Variants in RCC2 observed in about 807,000 individuals in gnomAD.
The protein encoded by RCC2 is protein RCC2.
In RCC2, 19 loss-of-function variants were observed where a neutral mutation model predicts 64.1. That is an observed-to-expected ratio of 0.30 (90% confidence interval 0.21 to 0.44). The LOEUF is 0.44. RCC2 is among the 20% of genes least tolerant of loss of function. RCC2 has a pLI of 1.00. For missense variants in RCC2, 508 were observed against 710.4 expected (o/e 0.72, Z 3.24); for synonymous variants, 325 against 279.6 (o/e 1.16, Z -1.62).
intron 3 of RCC2, among the ~76,000 whole-genome samples, 170 bp from the exon 4 acceptor site, chr1:17,425,854 G>A (rs1239846363): frequency 2.0e-5 from 3 of 152,176 alleles, no homozygotes; most frequent in African/African-American, 4.8e-5. Context: ...TTTTCACTTC[G>A]AATCTCTGCG....
chr1:17,423,736 G>A (rs1229894921), intron 4 of RCC2, among the ~76,000 whole-genome samples: 1 of 152,248 alleles, frequency 6.6e-6, no homozygotes, highest in Non-Finnish European at 1.5e-5. Context: ...AACCTGACGT[G>A]GGGAAACTGA....
At chr1:17,427,037 A>C (rs2075624582) in intron 3 of RCC2, among the ~76,000 whole-genome samples, 1 of 152,194 alleles carries the variant, frequency 6.6e-6, no homozygotes, top group South Asian at 2.1e-4. Flanking sequence ...CTGGGATTAC[A>C]GGCGTGAGCC....
intron 8 of RCC2, among the ~76,000 whole-genome samples, chr1:17,414,565 ACAAC>A (rs2075461758): frequency 3.4e-5 from 5 of 148,124 alleles, no homozygotes; most frequent in African/African-American, 7.5e-5. Flanking sequence ...AAAAAAAAAC[ACAAC>A]AAAAAAAAAA....
chr1:17,412,223 G>A lies in RCC2; in HGVS notation c.1314-29C>T, dbSNP rs569779443. ...CAAACAGGCAGGCTGTCACTGCAGGGCCAGCAGCCCCAGACCTGCACCCAC... is the reference window on the plus strand; with the variant it reads ...CAAACAGGCAGGCTGTCACTGCAGGACCAGCAGCCCCAGACCTGCACCCAC... On this transcript the variant is annotated intron_variant, in intron 10 of 12. Transcript: ENST00000375436. The A allele has an allele frequency of 4.3e-6, 7 of 1,610,402 alleles. No individual in the cohort carries two copies. In the Admixed American group the frequency reaches 1.0e-4, roughly 23 times the overall value.
chr1:17,438,308 C>G lies in RCC2; in HGVS notation c.207G>C (p.Ala69=). ...LDGAPGGGKR[A]ARPATAGKAG... ...CCTTGCCTGCTGTCGCCGGCCGCGCCGCGCGCTTGCCCCCGCCGGGGGCCC... is the reference window on the plus strand; with the variant it reads ...CCTTGCCTGCTGTCGCCGGCCGCGCGGCGCGCTTGCCCCCGCCGGGGGCCC... The change falls in exon 2 of 13, where the codon GCG becomes GCC. Residue 69 remains alanine (A), a synonymous_variant. Transcript: ENST00000375436. The G allele has an allele frequency of 1.6e-6, 2 of 1,243,776 alleles. No individual in the cohort carries two copies. The highest frequency in any genetic ancestry group is 4.7e-5 in the South Asian group (2 of 42,918). 77.0% of individuals were successfully genotyped at this position (1,243,776 alleles called of 1,614,324 possible).
Position 17,438,402 on chromosome 1 carries a change from C to A in RCC2, c.113G>T (p.Arg38Leu). The A allele has an allele frequency of 7.9e-7, 1 of 1,264,572 alleles. No homozygotes were observed. The highest frequency in any genetic ancestry group is 2.9e-5 in the South Asian group (1 of 34,030). 78.3% of individuals were successfully genotyped at this position (1,264,572 alleles called of 1,614,324 possible). A position where few individuals can be genotyped will look rare whatever the true frequency, so the allele number is the denominator to read the frequency against. ...RGGPAGRKRE[R>L]PERCSSSSGG... Reference sequence around the variant, plus strand: ...GCTGCTGCTACTGCAGCGCTCGGGCCGCTCGCGCTTCCTGCCCGCCGGGCC... The same window carrying A: ...GCTGCTGCTACTGCAGCGCTCGGGCAGCTCGCGCTTCCTGCCCGCCGGGCC... The change falls in exon 2 of 13, where the codon CGG becomes CTG. Residue 38 changes from arginine to leucine, a missense_variant. Physicochemically the swap from Arg to Leu is moderately radical, Grantham distance 102 (BLOSUM62 -2). Transcript: ENST00000375436.
In RCC2 at chr1:17,439,523, ACT is replaced by A. The variant is rs1299085456; in HGVS notation, c.-9+20_-9+21del. The A allele has an allele frequency of 1.4e-5, 2 of 145,592 alleles. No individual in the cohort carries two copies. Among genetic ancestry groups the A allele is most frequent in the Non-Finnish European group, 3.0e-5 (2 of 66,518 alleles). 9.0% of individuals were successfully genotyped at this position (145,592 alleles called of 1,614,324 possible). A position where few individuals can be genotyped will look rare whatever the true frequency, so the allele number is the denominator to read the frequency against. ...CTTTCCCAGACCCCACAAACTGATC[ACT>A]GTCGATTTTCAGACCCTACCTGGTT... On this transcript the variant is annotated intron_variant, in intron 1 of 12. Coordinates refer to ENST00000375436, the MANE Select transcript of RCC2 (RefSeq NM_018715.4).
At chr1:17,424,854 G>A (rs549504135) in intron 4 of RCC2, among the ~76,000 whole-genome samples, 27 of 152,152 alleles carry the variant, frequency 1.8e-4, no homozygotes, top group Non-Finnish European at 3.2e-4. Context: ...AAGAGGACAC[G>A]GGCAGGAATG....
At position 17,422,750 on chromosome 1, in the gene RCC2, T is replaced by C; in HGVS notation, c.610A>G (p.Ile204Val). 6.2e-7 allele frequency: 1 copy of C among 1,613,968 alleles called. No individual in the cohort carries two copies. The highest frequency in any genetic ancestry group is 8.5e-7 in the Non-Finnish European group (1 of 1,179,990). Reference protein sequence around the residue: ...RLIEGLSHEVIVSAACGRNHT... With the variant: ...RLIEGLSHEVVVSAACGRNHT... Reference sequence around the variant, plus strand: ...TTCCGCCCACATGCTGCAGACACAATCACTTCGTGGCTAAGACCCTCGATG... The same window carrying C: ...TTCCGCCCACATGCTGCAGACACAACCACTTCGTGGCTAAGACCCTCGATG... The change falls in exon 5 of 13, where the codon ATT becomes GTT. Residue 204 changes from isoleucine to valine, a missense_variant. Ile to Val is a conservative substitution (Grantham distance 29). Around this residue, in one of 4 missense-constraint regions of RCC2, gnomAD observed 132 missense variants for 207.3 expected, o/e 0.64. Transcript: ENST00000375436.
intron 11 of RCC2, among the ~76,000 whole-genome samples, chr1:17,410,486 CAAAAT>C (rs983339879): frequency 9.6e-4 from 146 of 152,320 alleles, no homozygotes; most frequent in African/African-American, 3.2e-3. Flanking sequence ...CAAAACAAAA[CAAAAT>C]AAAAGGGCTT....
intron 8 of RCC2, among the ~76,000 whole-genome samples, chr1:17,416,091 G>C (rs2075481286): frequency 1.2e-5 from 1 of 80,050 alleles, no homozygotes; most frequent in Non-Finnish European, 2.3e-5. Context: ...GGGGGGGGGC[G>C]GGGGGGACAA....
At chr1:17,439,304 G>A (rs2075780497) in intron 1 of RCC2, among the ~76,000 whole-genome samples, 1 of 148,996 alleles carries the variant, frequency 6.7e-6, no homozygotes, top group Admixed American at 6.7e-5. Flanking sequence ...CCAGCTCCCC[G>A]GCGTCCCTGC....
chr1:17,423,527 C>A (rs950506350), intron 4 of RCC2, among the ~76,000 whole-genome samples: 2 of 152,222 alleles, frequency 1.3e-5, no homozygotes, highest in Non-Finnish European at 2.9e-5. Context: ...GGAAGGCAGG[C>A]CTGAGGGCCA....
chr1:17,436,137 T>C (rs752181874), intron 2 of RCC2, among the ~76,000 whole-genome samples: 1 of 152,142 alleles, frequency 6.6e-6, no homozygotes, highest in Non-Finnish European at 1.5e-5. Flanking sequence ...ATATGTAAAA[T>C]AATAACGTAT....
rs936195118 is a variant in RCC2, at chr1:17,413,221, A to G, written c.1208-43T>C. The G allele has an allele frequency of 2.9e-6, 4 of 1,361,620 alleles. No individual in the cohort carries two copies. In the African/African-American group the frequency reaches 5.8e-5, roughly 20 times the overall value. 84.3% of individuals were successfully genotyped at this position (1,361,620 alleles called of 1,614,324 possible). A position where few individuals can be genotyped will look rare whatever the true frequency, so the allele number is the denominator to read the frequency against. ...ATGTTCCCAGCGTGACCAGACATCG[A>G]GAGCTGAGTCTCATCTTCAGTATTA... On this transcript the variant is annotated intron_variant, in intron 9 of 12. Coordinates refer to ENST00000375436, the MANE Select transcript of RCC2 (RefSeq NM_018715.4).
intron 4 of RCC2, among the ~76,000 whole-genome samples, chr1:17,424,840 C>G (rs2075595743): frequency 1.3e-5 from 2 of 152,260 alleles, no homozygotes; most frequent in African/African-American, 4.8e-5. Flanking sequence ...TTGGAATGAT[C>G]TGGAAGAGGA....
chr1:17,422,636 C>T, intron 5 of RCC2, 69 bp downstream of exon 5: 4 of 1,587,646 alleles, frequency 2.5e-6, no homozygotes, highest in Non-Finnish European at 3.4e-6. Context: ...CACCCCACGC[C>T]CCATCCCCAA....
At chr1:17,423,907 A>C (rs541529574) in intron 4 of RCC2, among the ~76,000 whole-genome samples, 2 of 152,200 alleles carry the variant, frequency 1.3e-5, no homozygotes, top group Non-Finnish European at 2.9e-5. Context: ...GCAGCCTCTG[A>C]CTACAGAAGG....
chr1:17,438,014 C>G (rs1041140084), intron 2 of RCC2, among the ~76,000 whole-genome samples: 3 of 146,210 alleles, frequency 2.1e-5, no homozygotes, highest in African/African-American at 4.9e-5. Flanking sequence ...CCGCGCGGTG[C>G]CCGGGGTCGG....
Sources: gnomAD v4.1 joint callset for allele counts (sites outside exome capture counted in the v4.1 genomes callset) on GRCh38, gnomAD v4.1.1 for gene constraint, gnomAD v4.1.1 regional missense constraint, MANE v1.5 for transcripts, NCBI Gene and HGNC (gene_info 2026-07-23, HGNC 2026-07-21) for gene names.